RAB27B: variants seen among roughly 807,000 people sequenced by gnomAD.
RAB27B encodes the protein RAB27B, member RAS oncogene family.
In RAB27B, 15 loss-of-function variants were observed where a neutral mutation model predicts 24.6. The observed-to-expected ratio is 0.61, with a 90% confidence interval of 0.41 to 0.94. The LOEUF (loss-of-function observed/expected upper bound fraction) is 0.94, where lower values mean the gene tolerates loss of function less well. Among genes scored for constraint, RAB27B ranks in the 40% least tolerant of loss-of-function variants. The pLI, the probability that RAB27B is intolerant of heterozygous loss-of-function variation, is 0.00. For synonymous variants in RAB27B, 105 were observed against 92.5 expected, an observed-to-expected ratio of 1.14 and a Z score of -0.78; for missense variants, 261 against 266.8, an observed-to-expected ratio of 0.98 and a Z score of 0.15.
Position 54,725,918 on chromosome 18 carries a change from A to G in RAB27B, c.-20+7777A>G, listed in dbSNP as rs746017437. On this transcript the variant is annotated intron_variant, in intron 2 of 4. Coordinates refer to the RAB27B transcript ENST00000586570. ...TAGAAAATGTAAAGAACTCTTTGGA[A>G]TCTAACTTGTTATGGAAATCATTGG... Among the ~76,000 whole-genome samples, 15 of 151,600 alleles carry G rather than the reference A, an allele frequency of 9.9e-5. 1 individual carries two copies. Among genetic ancestry groups the G allele is most frequent in the Non-Finnish European group, 1.9e-4 (13 of 67,780 alleles).
intron 1 of RAB27B, among the ~76,000 whole-genome samples, chr18:54,853,620 A>T (rs908930387): frequency 6.6e-6 from 1 of 152,186 alleles, no homozygotes; most frequent in Non-Finnish European, 1.5e-5. Context: ...TGCTAATCCT[A>T]TTAATCGGTA....
intron 4 of RAB27B, among the ~76,000 whole-genome samples, chr18:54,886,656 A>G (rs1913149286): frequency 6.6e-6 from 1 of 152,058 alleles, no homozygotes; most frequent in African/African-American, 2.4e-5. Flanking sequence ...AGACAAGGAG[A>G]TAATAAGCTT....
intron 2 of RAB27B, among the ~76,000 whole-genome samples, chr18:54,725,098 G>A (rs983575749): frequency 6.6e-6 from 1 of 151,398 alleles, no homozygotes; most frequent in South Asian, 2.1e-4. Flanking sequence ...GTGGTGCAGA[G>A]GGAAGAATAT....
chr18:54,831,161 C>T (rs1208993748), intron 1 of RAB27B, among the ~76,000 whole-genome samples: 3 of 152,088 alleles, frequency 2.0e-5, no homozygotes, highest in Non-Finnish European at 4.4e-5. Context: ...TGTCAGTGGC[C>T]GGTGTCAGGG....
intron 2 of RAB27B, among the ~76,000 whole-genome samples, chr18:54,730,785 T>C (rs537534681): frequency 1.8e-4 from 28 of 152,308 alleles, no homozygotes; most frequent in Non-Finnish European, 5.9e-5. Context: ...GCACCAGGCT[T>C]CCTCTACCTC....
intron 1 of RAB27B, among the ~76,000 whole-genome samples, chr18:54,868,130 A>G (rs924872724): frequency 6.6e-6 from 1 of 152,180 alleles, no homozygotes; most frequent in African/African-American, 2.4e-5. Flanking sequence ...TTTTATTAAA[A>G]TAAAAGTGGG....
chr18:54,736,235 G>T (rs1909888683), intron 2 of RAB27B, among the ~76,000 whole-genome samples: 1 of 152,100 alleles, frequency 6.6e-6, no homozygotes, highest in Non-Finnish European at 1.5e-5. Flanking sequence ...ATTTTTCTAT[G>T]CTCGATTATG....
intron 2 of RAB27B, among the ~76,000 whole-genome samples, chr18:54,719,852 C>A (rs981395431): frequency 2.0e-5 from 3 of 151,878 alleles, no homozygotes; most frequent in Admixed American, 2.0e-4. Context: ...AAATTCCTAC[C>A]CATCATATAA....
At chr18:54,758,313 T>A (rs1908070986) in intron 2 of RAB27B, among the ~76,000 whole-genome samples, 1 of 152,222 alleles carries the variant, frequency 6.6e-6, no homozygotes. Flanking sequence ...TGAGCCATTA[T>A]GTTTAGGGCA....
intron 1 of RAB27B, among the ~76,000 whole-genome samples, chr18:54,840,210 A>G (rs1911053800): frequency 6.6e-6 from 1 of 152,136 alleles, no homozygotes; most frequent in African/African-American, 2.4e-5. Flanking sequence ...TCATGGGTAA[A>G]ATTAATCTTT....
At chr18:54,853,690 G>A (rs537453806) in intron 1 of RAB27B, among the ~76,000 whole-genome samples, 2 of 152,188 alleles carry the variant, frequency 1.3e-5, no homozygotes, top group Non-Finnish European at 2.9e-5. Flanking sequence ...TTTACATACA[G>A]TGGGGTTTTT....
At chr18:54,783,200 C>A (rs181594679) in intron 2 of RAB27B, among the ~76,000 whole-genome samples, 94 of 152,056 alleles carry the variant, frequency 6.2e-4, no homozygotes, top group African/African-American at 2.2e-3. Context: ...CTCCTGACCT[C>A]AAGTGATCCA....
chr18:54,735,153 A>G (rs1175810063), intron 2 of RAB27B, among the ~76,000 whole-genome samples: 1 of 152,188 alleles, frequency 6.6e-6, no homozygotes, highest in Non-Finnish European at 1.5e-5. Context: ...TAACAGACAA[A>G]ACTCTACCAA....
At chr18:54,882,718 AAAG>A (rs1313382238) in intron 3 of RAB27B, among the ~76,000 whole-genome samples, 1 of 152,182 alleles carries the variant, frequency 6.6e-6, no homozygotes, top group Admixed American at 6.5e-5. Flanking sequence ...CTAAGAACTA[AAAG>A]AAGATCAGCA....
At chr18:54,826,685 G>A (rs1048882031), upstream of RAB27B, among the ~76,000 whole-genome samples, 3 of 152,308 alleles carry the variant, frequency 2.0e-5, no homozygotes, top group Admixed American at 2.0e-4. Flanking sequence ...AGAAGTTGCA[G>A]TGAGGTAGTA....
intron 2 of RAB27B, among the ~76,000 whole-genome samples, chr18:54,744,016 T>A (rs1910153964): frequency 6.6e-6 from 1 of 152,178 alleles, no homozygotes; most frequent in Non-Finnish European, 1.5e-5. Context: ...CCAGCAATCA[T>A]CCCTCGAGAT....
chr18:54,810,833 A>AAAAT (rs74180479), intron 2 of RAB27B, among the ~76,000 whole-genome samples: 11,249 of 140,146 alleles, frequency 0.08, 576 homozygotes, highest in East Asian at 0.23. Context: ...ACCCTGTCTC[A>AAAAT]AAATAAATAA....
chr18:54,810,551 T>C (rs11664943), intron 2 of RAB27B, among the ~76,000 whole-genome samples: 77,827 of 151,702 alleles, frequency 0.51, 20,593 homozygotes, highest in African/African-American at 0.62. Flanking sequence ...AAAATCAGGC[T>C]GGGTGCCAAG....
chr18:54,842,004 T>G (rs2145202528), intron 1 of RAB27B, among the ~76,000 whole-genome samples: 1 of 152,258 alleles, frequency 6.6e-6, no homozygotes, highest in East Asian at 1.9e-4. Flanking sequence ...CTAAATGGAG[T>G]CCAGTATTTG....
Sources: gnomAD v4.1 joint callset for allele counts (sites outside exome capture counted in the v4.1 genomes callset) on GRCh38, gnomAD v4.1.1 for gene constraint, MANE v1.5 for transcripts, NCBI Gene and HGNC (gene_info 2026-07-23, HGNC 2026-07-21) for gene names.